PMM1: variants seen among roughly 807,000 people sequenced by gnomAD.
The protein encoded by PMM1 is phosphomannomutase 1.
In PMM1, 25 loss-of-function variants were observed where a neutral mutation model predicts 34.0. The observed-to-expected ratio is 0.73, with a 90% CI of 0.54 to 1.03. The LOEUF (loss-of-function observed/expected upper bound fraction) is 1.03, where lower values mean the gene tolerates loss of function less well. PMM1 is among the 50% of genes least tolerant of loss of function. The pLI, the probability that PMM1 is intolerant of heterozygous loss-of-function variation, is 0.00. For synonymous variants in PMM1, 134 were observed against 143.9 expected, an observed-to-expected ratio of 0.93 and a Z score of 0.49; for missense variants, 321 against 350.1, an observed-to-expected ratio of 0.92 and a Z score of 0.66.
intron 7 of PMM1, 69 bp from the exon 8 acceptor site, chr22:41,577,509 C>T (rs1180763740): frequency 6.6e-7 from 1 of 1,505,446 alleles, no homozygotes; most frequent in Non-Finnish European, 9.0e-7. Flanking sequence ...CTGCTACGGA[C>T]CTGCCCCTCC....
At position 41,577,259 on chromosome 22, in the gene PMM1, C is replaced by G; in HGVS notation, c.*59G>C. On this transcript the variant is annotated 3_prime_UTR_variant, in exon 8 of 8. Coordinates refer to ENST00000216259, the MANE Select transcript of PMM1 (RefSeq NM_002676.3). Reference sequence around the variant, plus strand: ...CCTGGCATCTATCCAACACCAGGACCTCTCTTTAGGCCTAGGCCAAACTCT... The same window carrying G: ...CCTGGCATCTATCCAACACCAGGACGTCTCTTTAGGCCTAGGCCAAACTCT... 6.2e-7 allele frequency: 1 copy of G among 1,608,550 alleles called. No homozygotes were observed. Among genetic ancestry groups the G allele is most frequent in the South Asian group, 1.1e-5 (1 of 91,020 alleles).
intron 1 of PMM1, chr22:41,589,329 C>T (rs1270483520): frequency 4.2e-5 from 18 of 431,558 alleles, no homozygotes; most frequent in Middle Eastern, 7.4e-4. Context: ...CAGAAGCCAG[C>T]TCCGACCACT....
rs66737473 is a variant in PMM1, at chr22:41,578,900, G to T, written c.475-19C>A. 23 of 1,610,322 alleles carry T rather than the reference G, an allele frequency of 1.4e-5. No individual in the cohort carries two copies. In the Admixed American group the frequency reaches 2.5e-4, roughly 18 times the overall value. On this transcript the variant is annotated intron_variant, in intron 5 of 7. Coordinates refer to ENST00000216259, the MANE Select transcript of PMM1 (RefSeq NM_002676.3). ...TCTCTTTCTGCAGAGGGGAGGGAGC[G>T]GATGGCAGCTCAGAGGACCTGCTGT... is the stretch of plus-strand genomic sequence containing the variant.
At chr22:41,584,121 C>A in intron 4 of PMM1, 63 bp from the exon 5 acceptor site, 1 of 1,403,670 alleles carries the variant, frequency 7.1e-7, no homozygotes. Context: ...CAAATCTAGC[C>A]CCACCTGGGA....
chr22:41,581,350 G>C (rs563128227), intron 5 of PMM1, among the ~76,000 whole-genome samples: 8 of 151,794 alleles, frequency 5.3e-5, no homozygotes, highest in African/African-American at 1.9e-4. Context: ...CCCTGTGCCT[G>C]TGGGCACTGC....
chr22:41,588,559 T>C, intron 1 of PMM1: 1 of 742,590 alleles, frequency 1.3e-6, no homozygotes, highest in Non-Finnish European at 1.6e-6. Context: ...TTCACCATGT[T>C]AGCCAGACTG....
intron 2 of PMM1, chr22:41,585,158 T>C (rs1007158677): frequency 2.6e-5 from 4 of 152,314 alleles, no homozygotes; most frequent in African/African-American, 9.7e-5. Context: ...TGGACTATGA[T>C]GGCGTGGTGG....
At chr22:41,583,062 A>G (rs1162324706) in intron 5 of PMM1, among the ~76,000 whole-genome samples, 1 of 151,834 alleles carries the variant, frequency 6.6e-6, no homozygotes, top group Non-Finnish European at 1.5e-5. Context: ...AGCCAGACAG[A>G]GCCCTCAGGG....
Position 41,586,104 on chromosome 22 carries a change from G to A in PMM1, c.177C>T (p.Ile59=), listed in dbSNP as rs372155277. 30 of 1,609,974 alleles carry A rather than the reference G, an allele frequency of 1.9e-5. No individual in the cohort carries two copies. The highest frequency in any genetic ancestry group is 2.2e-5 in the Non-Finnish European group (26 of 1,178,388). Residue 59 remains isoleucine, a synonymous_variant, in exon 2 of 8, where the codon ATC becomes ATT. Transcript: ENST00000216259. ...CATCCCCGTCACCCAGCTGCTCAGCGATCTTACAGTAGTCAGAGCCGCCCA... is the reference window on the plus strand; with the variant it reads ...CATCCCCGTCACCCAGCTGCTCAGCAATCTTACAGTAGTCAGAGCCGCCCA... ...GVVGGSDYCK[I]AEQLGDGDEV...
intron 1 of PMM1, chr22:41,588,684 T>C: frequency 1.0e-6 from 1 of 985,448 alleles, no homozygotes. Context: ...GCTATCTTCC[T>C]CCCGGATCCA....
rs894325147 is a variant in PMM1 at position 41,589,651 on chromosome 22, C to G, written c.87+68G>C. ...TGTCCACGGTCACGCTGCTGCAGAC[C>G]CCACACTCAGCCTCGGGGGTGTCCG... is the stretch of plus-strand genomic sequence containing the variant. On this transcript the variant is annotated intron_variant, in intron 1 of 7. Transcript: ENST00000216259. The G allele has an allele frequency of 5.9e-6, 8 of 1,352,556 alleles. No individual in the cohort carries two copies. The East Asian group carries it at 1.9e-4, about 33-fold the overall frequency. The allele number at this position is 1,352,556 out of a possible 1,614,324, so 83.8% of individuals were successfully genotyped here. A position where few individuals can be genotyped will look rare whatever the true frequency, so the allele number is the denominator to read the frequency against.
intron 5 of PMM1, chr22:41,579,220 G>A (rs1306074758): frequency 1.4e-5 from 4 of 289,588 alleles, no homozygotes; most frequent in South Asian, 8.5e-5. Context: ...GGCAGGGCTC[G>A]ATCCTGTTAT....
chr22:41,583,367 A>C lies in PMM1; in HGVS notation c.474+592T>G, dbSNP rs909557318. 4.6e-4 allele frequency among the ~76,000 whole-genome samples: 70 copies of C among 152,306 alleles called. 1 individual carries two copies. The highest frequency in any genetic ancestry group is 3.1e-3 in the South Asian group (15 of 4,828). ...TGTAGTGGTGCATGCCTGTAATTCC[A>C]GCTACTTGGGAGGCTGAGGCAGGAG... On this transcript the variant is annotated intron_variant, in intron 5 of 7. Coordinates refer to ENST00000216259, the MANE Select transcript of PMM1 (RefSeq NM_002676.3).
intron 5 of PMM1, among the ~76,000 whole-genome samples, chr22:41,582,069 G>A (rs1026811482): frequency 4.0e-5 from 6 of 151,758 alleles, no homozygotes; most frequent in South Asian, 2.1e-4. Context: ...GTTTGAACCC[G>A]GGAGGTGGAG....
chr22:41,585,249 AG>A (rs1452253656), intron 2 of PMM1: 1 of 152,132 alleles, frequency 6.6e-6, no homozygotes, highest in Admixed American at 6.6e-5. Context: ...GAAAAATTCG[AG>A]GAAGTTTCTG....
rs938741370 is a variant in PMM1, at chr22:41,576,912, A to G, written c.*406T>C. The G allele has an allele frequency of 6.8e-6, 2 of 296,050 alleles. No homozygotes were observed. The highest frequency in any genetic ancestry group is 4.4e-5 in the African/African-American group (2 of 45,644). The allele number at this position is 296,050 out of a possible 1,614,324, so 18.3% of individuals were successfully genotyped here. On this transcript the variant is annotated 3_prime_UTR_variant, in exon 8 of 8. Coordinates refer to ENST00000216259, the MANE Select transcript of PMM1 (RefSeq NM_002676.3). ...AGCTGACACCTACTTTGTTCTGGGAACTTTAATACTGTGACAAAGTTCTCT... is the reference window on the plus strand; with the variant it reads ...AGCTGACACCTACTTTGTTCTGGGAGCTTTAATACTGTGACAAAGTTCTCT...
intron 1 of PMM1, among the ~76,000 whole-genome samples, chr22:41,586,849 G>A (rs2067313430): frequency 6.8e-6 from 1 of 147,908 alleles, no homozygotes; most frequent in African/African-American, 2.5e-5. Flanking sequence ...CTGGCACGGT[G>A]GTTCACACCA....
intron 2 of PMM1, chr22:41,585,539 T>G (rs2067298397): frequency 1.3e-5 from 2 of 152,284 alleles, no homozygotes; most frequent in African/African-American, 4.8e-5. Context: ...TCACCCAGGC[T>G]GGAGTGCAGT....
At position 41,577,393 on chromosome 22, in the gene PMM1, G is replaced by A. The variant is rs1484853766; in HGVS notation, c.714C>T (p.His238=). ...CCGTGTCCTGAGGAGACACCACGCTGTGGCCAACAGTCCGGGGGTCGGCAA... is the reference window on the plus strand; with the variant it reads ...CCGTGTCCTGAGGAGACACCACGCTATGGCCAACAGTCCGGGGGTCGGCAA... ...EIFADPRTVG[H]SVVSPQDTVQ... The change falls in exon 8 of 8, where the codon CAC becomes CAT. Residue 238 remains histidine, a synonymous_variant. Transcript: ENST00000216259. 1.9e-6 allele frequency: 3 copies of A among 1,612,714 alleles called. No individual in the cohort carries two copies. Among genetic ancestry groups the A allele is most frequent in the Non-Finnish European group, 2.5e-6 (3 of 1,180,002 alleles).
Sources: allele counts gnomAD v4.1 joint callset (sites outside exome capture counted in the v4.1 genomes callset), GRCh38; gene constraint gnomAD v4.1.1; transcripts MANE v1.5; gene names NCBI Gene and HGNC (gene_info 2026-07-23, HGNC 2026-07-21).